Variants in RIN2 observed in about 807,000 individuals in gnomAD.
RIN2 encodes the protein RAB5 interacting protein 2.
A neutral mutation model predicts 78.0 loss-of-function variants in RIN2; 36 were observed. That is an observed-to-expected ratio of 0.46 (90% CI 0.35 to 0.61). The LOEUF (loss-of-function observed/expected upper bound fraction) is 0.61. Among genes scored for constraint, RIN2 ranks in the 20% least tolerant of loss-of-function variants. The probability of loss-of-function intolerance (pLI) is 0.00; values close to 1 mark genes in which losing one functional copy is unlikely to be tolerated. For missense variants in RIN2, 1,087 were observed against 1,159.7 expected (o/e 0.94, Z 0.91); for synonymous variants, 466 against 466.8 (o/e 1.00, Z 0.02).
chr20:19,788,291 TTAAAATTAGAAAA>T (rs1403628981), intron 1 of RIN2, among the ~76,000 whole-genome samples: 1 of 151,998 alleles, frequency 6.6e-6, no homozygotes, highest in East Asian at 1.9e-4. Flanking sequence ...AGAAATGTTA[TTAAAATTAGAAAA>T]TAAGAATTGG....
intron 9 of RIN2, among the ~76,000 whole-genome samples, chr20:19,987,235 A>G (rs6046518): frequency 0.064 from 9,777 of 152,250 alleles, 1,029 homozygotes; most frequent in African/African-American, 0.22. Flanking sequence ...GGTTATTTCC[A>G]GCTTGGGGCT....
intron 2 of RIN2, among the ~76,000 whole-genome samples, chr20:19,815,801 A>G (rs2035749000): frequency 1.3e-5 from 2 of 152,364 alleles, no homozygotes; most frequent in East Asian, 3.9e-4. Context: ...GTACCTTGCA[A>G]GCCATGGTCA....
At chr20:19,805,516 C>A (rs990066640) in intron 2 of RIN2, among the ~76,000 whole-genome samples, 9 of 152,136 alleles carry the variant, frequency 5.9e-5, no homozygotes, top group Admixed American at 3.3e-4. Context: ...GTTCTCCTAC[C>A]TCAGCCTCCC....
intron 2 of RIN2, among the ~76,000 whole-genome samples, chr20:19,832,652 G>A (rs1045500666): frequency 2.6e-5 from 4 of 151,756 alleles, no homozygotes; most frequent in African/African-American, 9.7e-5. Flanking sequence ...AGAAACAATA[G>A]GCATTTATTC....
At chr20:19,993,332 A>G (rs1424444888) in intron 11 of RIN2, among the ~76,000 whole-genome samples, 1 of 151,856 alleles carries the variant, frequency 6.6e-6, no homozygotes, top group Non-Finnish European at 1.5e-5. Context: ...CATCTCTGAC[A>G]GGATTCCCTA....
chr20:19,888,320 GA>G (rs1202470948), intron 2 of RIN2, among the ~76,000 whole-genome samples: 1 of 152,098 alleles, frequency 6.6e-6, no homozygotes, highest in Non-Finnish European at 1.5e-5. Context: ...TCGTGGGGCC[GA>G]AAAAAACCTT....
chr20:19,956,066 G>A (rs2041515850), intron 4 of RIN2, among the ~76,000 whole-genome samples: 1 of 151,998 alleles, frequency 6.6e-6, no homozygotes, highest in Admixed American at 6.6e-5. Flanking sequence ...AGACCAGCCT[G>A]GCCAACATGG....
In RIN2 at chr20:19,974,814, C is replaced by A. The variant is rs1244143796; in HGVS notation, c.789C>A (p.Ser263Arg). 6 of 1,613,992 alleles carry A rather than the reference C, an allele frequency of 3.7e-6. No individual in the cohort carries two copies. The highest frequency in any genetic ancestry group is 5.1e-6 in the Non-Finnish European group (6 of 1,179,884). ...GGACGCCTTCAGAGCTGGAGTGCAG[C>A]CAGACCAACGGGGCCCTGTGCTTTA... ...KTRTPSELEC[S>R]QTNGALCFIN... The change falls in exon 9 of 13, where the codon AGC becomes AGA. Residue 263 changes from serine to arginine, a missense_variant. Physicochemically the swap from Ser to Arg is moderately radical, Grantham distance 110. Transcript: ENST00000255006.
intron 12 of RIN2, among the ~76,000 whole-genome samples, chr20:19,997,978 C>CT (rs201051605): frequency 0.17 from 24,265 of 145,242 alleles, 2,419 homozygotes; most frequent in South Asian, 0.31. Context: ...GATTCACCTG[C>CT]TTTTTTTTTT....
chr20:19,933,032 A>C (rs976424932), intron 3 of RIN2, among the ~76,000 whole-genome samples: 6 of 151,866 alleles, frequency 4.0e-5, no homozygotes, highest in African/African-American at 1.2e-4. Flanking sequence ...ATTGTTCCTA[A>C]ATTCCCCCGT....
intron 2 of RIN2, among the ~76,000 whole-genome samples, chr20:19,819,658 C>T (rs945998474): frequency 6.6e-6 from 1 of 152,192 alleles, no homozygotes; most frequent in Non-Finnish European, 1.5e-5. Flanking sequence ...ACCTCACCCT[C>T]CTGGTAGCTG....
chr20:19,776,968 A>G (rs1355637650), intron 1 of RIN2, among the ~76,000 whole-genome samples: 1 of 152,146 alleles, frequency 6.6e-6, no homozygotes, highest in Non-Finnish European at 1.5e-5. Flanking sequence ...CAGGCCACTG[A>G]TCACTCATAT....
chr20:19,956,875 T>C, intron 5 of RIN2, 68 bp downstream of exon 5: 1 of 1,339,410 alleles, frequency 7.5e-7, no homozygotes, highest in Non-Finnish European at 1.0e-6. Context: ...AGAAAAACAC[T>C]TGGAGTTAGT....
In RIN2 at chr20:19,768,676, ACCT is replaced by A. The variant is rs2033992149; in HGVS notation, c.-163+10353_-163+10355del. ...GAATAATTCATTGTCATTTCTTGTG[ACCT>A]CCTGATCGTATGAGGAGCAGGAGTT... On this transcript the variant is annotated intron_variant, in intron 1 of 12. Coordinates refer to ENST00000255006, the MANE Select transcript of RIN2 (RefSeq NM_018993.4). Among the ~76,000 whole-genome samples the A allele has an allele frequency of 5.9e-5, 9 of 152,136 alleles. No individual in the cohort carries two copies. In the South Asian group the frequency reaches 1.9e-3, roughly 32 times the overall value.
chr20:19,826,235 G>T (rs1038744257), intron 2 of RIN2, among the ~76,000 whole-genome samples: 3 of 151,886 alleles, frequency 2.0e-5, no homozygotes, highest in Non-Finnish European at 1.5e-5. Context: ...AGTAAACCAG[G>T]ATTTTAAAAA....
chr20:19,948,076 T>C (rs571804191), intron 4 of RIN2, among the ~76,000 whole-genome samples: 109 of 152,318 alleles, frequency 7.2e-4, no homozygotes, highest in African/African-American at 2.5e-3. Context: ...AGATGACTCA[T>C]GTAAGTAGAA....
At position 19,900,689 on chromosome 20, in the gene RIN2, G is replaced by A. The variant is rs565861838; in HGVS notation, c.57+11031G>A. On this transcript the variant is annotated intron_variant, in intron 3 of 12. Transcript: ENST00000255006. ...AATTAGGCTGGGTGTGGTGGCTCACGCCTGTAATCCCAGCACTTTGGGAGT... is the reference window on the plus strand; with the variant it reads ...AATTAGGCTGGGTGTGGTGGCTCACACCTGTAATCCCAGCACTTTGGGAGT... Among the ~76,000 whole-genome samples, 458 of 151,202 alleles carry A rather than the reference G, an allele frequency of 3.0e-3. 1 individual carries two copies. Among genetic ancestry groups the A allele is most frequent in the Non-Finnish European group, 5.4e-3 (363 of 67,766 alleles).
chr20:19,889,729 A>G (rs2038357552), intron 3 of RIN2, 71 bp downstream of exon 3: 3 of 1,226,928 alleles, frequency 2.4e-6, no homozygotes, highest in Non-Finnish European at 3.3e-6. Context: ...GCGGTGCTCC[A>G]TGGAGCTGCT....
chr20:19,834,763 T>C (rs2036356143), intron 2 of RIN2, among the ~76,000 whole-genome samples: 1 of 152,216 alleles, frequency 6.6e-6, no homozygotes, highest in South Asian at 2.1e-4. Flanking sequence ...TTTTAAGTTG[T>C]ATAATAAATA....
Sources: allele counts gnomAD v4.1 joint callset (sites outside exome capture counted in the v4.1 genomes callset), GRCh38; gene constraint gnomAD v4.1.1; transcripts MANE v1.5; gene names NCBI Gene and HGNC (gene_info 2026-07-23, HGNC 2026-07-21).